The following PCDHA4 variants were observed in gnomAD, a reference collection of about 807,000 sequenced individuals.
PCDHA4 encodes the protein protocadherin alpha 4.
PCDHA4 carries 49 observed loss-of-function variants against 61.4 expected under a neutral mutation model. The ratio of observed to expected loss-of-function variants is 0.80; its 90% CI spans 0.63 to 1.01. The LOEUF is 1.01. PCDHA4 is among the 50% of genes least tolerant of loss of function. The probability of loss-of-function intolerance (pLI) is 0.00; values close to 1 mark genes in which losing one functional copy is unlikely to be tolerated. For synonymous variants in PCDHA4, 590 were observed against 550.3 expected, an observed-to-expected ratio of 1.07 and a Z score of -1.01; for missense variants, 1,254 against 1,235.8, an observed-to-expected ratio of 1.01 and a Z score of -0.22.
chr5:140,822,168 G>A (rs782246170), intron 1 of PCDHA4: 5 of 1,614,262 alleles, frequency 3.1e-6, no homozygotes, highest in Non-Finnish European at 3.4e-6. Context: ...ATCCGCCCAG[G>A]TTCTCCAGAC....
Position 140,876,851 on chromosome 5 carries a change from A to G in PCDHA4, c.2385+67279A>G, listed in dbSNP as rs1554169034. ...GCGCCTGCGTTCGCGCAGCCCGAGT[A>G]CACAGTGTTCGTGAAGGAGAACAAC... On this transcript the variant is annotated intron_variant, in intron 1 of 3. Coordinates refer to ENST00000530339, the MANE Select transcript of PCDHA4 (RefSeq NM_018907.4). The G allele has an allele frequency of 5.0e-6, 8 of 1,613,986 alleles. No individual in the cohort carries two copies. In the Admixed American group the frequency reaches 1.3e-4, roughly 27 times the overall value.
intron 1 of PCDHA4, chr5:140,967,285 G>A (rs150694611): frequency 1.9e-6 from 3 of 1,613,058 alleles, no homozygotes; most frequent in East Asian, 2.2e-5. Context: ...AGAGTGCGCA[G>A]GACCCCGACG....
At chr5:140,944,724 C>G (rs246064) in intron 1 of PCDHA4, among the ~76,000 whole-genome samples, 85,713 of 151,920 alleles carry the variant, frequency 0.56, 24,798 homozygotes, top group African/African-American at 0.69. Flanking sequence ...CTTTGAACAC[C>G]TTAGTAAGTC....
Position 140,809,150 on chromosome 5 carries a change from G to T in PCDHA4, c.1963G>T (p.Gly655Cys). ...HRLLVLVKDH[G>C]EPALTATATV... ...CCTACTGGTACTGGTGAAGGACCAC[G>T]GCGAGCCCGCGCTGACGGCCACGGC... The change falls in exon 1 of 4, where the codon GGC becomes TGC. Residue 655 changes from glycine to cysteine, a missense_variant. By Grantham distance (159) the Gly-to-Cys change is radical. Transcript: ENST00000530339. 1 of 1,613,976 alleles carries T rather than the reference G, an allele frequency of 6.2e-7. No homozygotes were observed. Among genetic ancestry groups the T allele is most frequent in the Non-Finnish European group, 8.5e-7 (1 of 1,179,928 alleles).
Position 140,848,391 on chromosome 5 carries a change from G to A in PCDHA4, c.2385+38819G>A. ...GGCTCAATTCTTTTTCACTCTCTCTGTGCTGAACGATGGCGAACACAGCAG... is the reference window on the plus strand; with the variant it reads ...GGCTCAATTCTTTTTCACTCTCTCTATGCTGAACGATGGCGAACACAGCAG... On this transcript the variant is annotated intron_variant, in intron 1 of 3. Coordinates refer to ENST00000530339, the MANE Select transcript of PCDHA4 (RefSeq NM_018907.4). The A allele has an allele frequency of 2.4e-6, 3 of 1,246,922 alleles. No homozygotes were observed. In the South Asian group the frequency reaches 4.3e-5, roughly 18 times the overall value. 77.2% of individuals were successfully genotyped at this position (1,246,922 alleles called of 1,614,324 possible).
At chr5:140,893,336 A>G (rs2063930718) in intron 1 of PCDHA4, among the ~76,000 whole-genome samples, 1 of 152,098 alleles carries the variant, frequency 6.6e-6, no homozygotes, top group Admixed American at 6.6e-5. Context: ...TGTTTTCCTT[A>G]GTGGCAGTGC....
At chr5:140,842,199 T>G in intron 1 of PCDHA4, 1 of 1,613,772 alleles carries the variant, frequency 6.2e-7, no homozygotes, top group African/African-American at 1.3e-5. Context: ...ATTGACCACT[T>G]TAGCATAGAT....
intron 1 of PCDHA4, among the ~76,000 whole-genome samples, chr5:140,845,188 T>C (rs1416130402): frequency 1.3e-5 from 2 of 149,344 alleles, no homozygotes; most frequent in African/African-American, 4.9e-5. Flanking sequence ...CTTTAAAAAA[T>C]ATGATTGTTT....
chr5:140,993,460 T>TCACACACA (rs1554253699), intron 3 of PCDHA4, among the ~76,000 whole-genome samples: 14 of 104,506 alleles, frequency 1.3e-4, no homozygotes, highest in African/African-American at 2.4e-4. Flanking sequence ...CTTCTTTCTT[T>TCACACACA]CTCACACACA....
At chr5:140,987,963 T>C (rs2097275753) in intron 3 of PCDHA4, among the ~76,000 whole-genome samples, 1 of 152,190 alleles carries the variant, frequency 6.6e-6, no homozygotes, top group Non-Finnish European at 1.5e-5. Context: ...CAACTCCCCA[T>C]GGAAAGACTC....
chr5:140,852,764 A>T (rs1488234251), intron 1 of PCDHA4: 1 of 983,098 alleles, frequency 1.0e-6, no homozygotes, highest in Non-Finnish European at 1.2e-6. Flanking sequence ...CAGGTATCTG[A>T]TTATTTGATG....
rs139625618 is a variant in PCDHA4 at position 141,008,025 on chromosome 5, T to C, written c.2534-1602T>C. 1.8e-3 allele frequency among the ~76,000 whole-genome samples: 273 copies of C among 152,354 alleles called. 1 individual carries two copies. Among genetic ancestry groups the C allele is most frequent in the Middle Eastern group, 6.8e-3 (2 of 294 alleles). Reference sequence around the variant, plus strand: ...TAAACTTCTGTTTCCTTTTTTTTCTTGTTAATCTGCCTTTTGTAACAGGGG... The same window carrying C: ...TAAACTTCTGTTTCCTTTTTTTTCTCGTTAATCTGCCTTTTGTAACAGGGG... On this transcript the variant is annotated intron_variant, in intron 3 of 3. Transcript: ENST00000530339.
rs782003848 is a variant in PCDHA4 at position 140,929,358 on chromosome 5, G to GC, written c.2386-49588dup. The GC allele has an allele frequency of 3.9e-6, 6 of 1,522,886 alleles. No homozygotes were observed. The South Asian group carries it at 5.3e-5, about 13-fold the overall frequency. 94.3% of individuals were successfully genotyped at this position (1,522,886 alleles called of 1,614,324 possible). A position where few individuals can be genotyped will look rare whatever the true frequency, so the allele number is the denominator to read the frequency against. Reference sequence around the variant, plus strand: ...AATTTTATGGAATTTGATTCCTTTGGCCCGGAGATGGCTGCTAGCTGTGTT... The same window carrying GC: ...AATTTTATGGAATTTGATTCCTTTGGCCCCGGAGATGGCTGCTAGCTGTGTT... On this transcript the variant is annotated intron_variant, in intron 1 of 3. Coordinates refer to ENST00000530339, the MANE Select transcript of PCDHA4 (RefSeq NM_018907.4).
At chr5:140,945,371 A>G (rs926668947) in intron 1 of PCDHA4, among the ~76,000 whole-genome samples, 2 of 152,104 alleles carry the variant, frequency 1.3e-5, no homozygotes, top group African/African-American at 4.8e-5. Context: ...AAATGTCCAT[A>G]TTACCCAAAG....
intron 1 of PCDHA4, among the ~76,000 whole-genome samples, chr5:140,898,053 A>C (rs1444652933): frequency 1.3e-5 from 2 of 151,746 alleles, no homozygotes; most frequent in Admixed American, 1.3e-4. Context: ...TTTTTCTTGT[A>C]AATTTGTTTG....
chr5:140,852,533 C>G (rs2150517773), intron 1 of PCDHA4: 2 of 491,290 alleles, frequency 4.1e-6, no homozygotes, highest in East Asian at 2.9e-4. Context: ...ACCTCGGCCT[C>G]CCAAAGTGCT....
intron 1 of PCDHA4, among the ~76,000 whole-genome samples, chr5:140,913,644 A>T (rs889499847): frequency 3.9e-5 from 6 of 151,920 alleles, no homozygotes; most frequent in Non-Finnish European, 8.8e-5. Flanking sequence ...CTGCTTTTCT[A>T]GTTCTTTAAG....
In PCDHA4 at chr5:140,809,060, G is replaced by A. The variant is rs782422711; in HGVS notation, c.1873G>A (p.Gly625Arg). ...TGGARIPFRV[G>R]LYTGEISTTR... Reference sequence around the variant, plus strand: ...TGGCGCGCGCATCCCGTTCCGCGTGGGGCTGTACACTGGCGAGATCAGCAC... The same window carrying A: ...TGGCGCGCGCATCCCGTTCCGCGTGAGGCTGTACACTGGCGAGATCAGCAC... Residue 625 changes from glycine to arginine, a missense_variant, in exon 1 of 4, where the codon GGG (glycine) becomes AGG (arginine). Coordinates refer to ENST00000530339, the MANE Select transcript of PCDHA4 (RefSeq NM_018907.4). The A allele has an allele frequency of 2.5e-6, 4 of 1,613,928 alleles. No homozygotes were observed. In the Admixed American group the frequency reaches 5.0e-5, roughly 20 times the overall value.
intron 1 of PCDHA4, chr5:140,929,409 T>G: frequency 6.6e-7 from 1 of 1,506,206 alleles, no homozygotes; most frequent in Non-Finnish European, 8.9e-7. Context: ...GACAAGCCTT[T>G]CACAACATTT....
Sources: allele counts gnomAD v4.1 joint callset (sites outside exome capture counted in the v4.1 genomes callset), GRCh38; gene constraint gnomAD v4.1.1; transcripts MANE v1.5; gene names NCBI Gene and HGNC (gene_info 2026-07-23, HGNC 2026-07-21).